Variants in RPL7A observed in about 807,000 individuals in gnomAD.
The protein encoded by RPL7A is large ribosomal subunit protein eL8.
For synonymous variants in RPL7A, 158 were observed against 128.2 expected (o/e 1.23, Z -1.57); for missense variants, 291 against 338.2 (o/e 0.86, Z 1.09).
At chr9:133,350,107 A>G (rs2129991393) in intron 4 of RPL7A, 55 bp downstream of exon 4, 1 of 1,613,898 alleles carries the variant, frequency 6.2e-7, no homozygotes, top group South Asian at 1.1e-5. Context: ...GCAGTGATGT[A>G]AAATTTCTTG....
chr9:133,349,128 T>C (rs894320373), intron 2 of RPL7A, 86 bp downstream of exon 2: 2 of 1,518,986 alleles, frequency 1.3e-6, no homozygotes, highest in East Asian at 2.3e-5. Context: ...TTGTAGGTTT[T>C]AGTGGGTGTA....
intron 2 of RPL7A, chr9:133,349,317 A>C: frequency 1.2e-6 from 1 of 804,360 alleles, no homozygotes. Flanking sequence ...TAGGACTGCA[A>C]TTCTGCTGTA....
In RPL7A at chr9:133,350,774, C is replaced by T. The variant is rs183572165; in HGVS notation, c.626+47C>T. 144 of 1,606,950 alleles carry T rather than the reference C, an allele frequency of 9.0e-5. 1 individual carries two copies. The highest frequency in any genetic ancestry group is 1.2e-4 in the Non-Finnish European group (141 of 1,173,970). On this transcript the variant is annotated intron_variant, in intron 6 of 7. Transcript: ENST00000323345. ...AAACTTCCCCCCAGTTCATTTAATC[C>T]ATGCCTCACAGTTGTTTCCTTTTGC...
rs2129983125 is a variant in RPL7A at position 133,349,060 on chromosome 9, G to T, written c.124+18G>T. ...TGGCATTGGTAAGTAACAAACGGCA[G>T]AATGAAAACGGTCTATGTTTTTCTC... is the stretch of plus-strand genomic sequence containing the variant. On this transcript the variant is annotated intron_variant, in intron 2 of 7. Transcript: ENST00000323345. 4 of 1,612,522 alleles carry T rather than the reference G, an allele frequency of 2.5e-6. No homozygotes were observed. Among genetic ancestry groups the T allele is most frequent in the Non-Finnish European group, 2.5e-6 (3 of 1,179,280 alleles).
At chr9:133,349,127 T>C (rs1836305200) in intron 2 of RPL7A, 85 bp downstream of exon 2, 2 of 1,521,738 alleles carry the variant, frequency 1.3e-6, no homozygotes, top group African/African-American at 2.8e-5. Flanking sequence ...CTTGTAGGTT[T>C]TAGTGGGTGT....
intron 3 of RPL7A, 93 bp downstream of exon 3, chr9:133,349,793 G>A: frequency 2.5e-6 from 4 of 1,581,484 alleles, no homozygotes; most frequent in South Asian, 2.3e-5. Context: ...TTCTTGAACT[G>A]CAGTTGTCAT....
At chr9:133,351,181 A>G (rs2129998548) in intron 7 of RPL7A, 81 bp from the exon 8 acceptor site, 340 of 1,545,440 alleles carry the variant, frequency 2.2e-4, no homozygotes, top group Non-Finnish European at 2.9e-4. Context: ...TGGAACAGCC[A>G]AACAGAATTA....
At chr9:133,348,739 T>A in intron 1 of RPL7A, 183 bp from the exon 2 acceptor site, 1 of 905,322 alleles carries the variant, frequency 1.1e-6, no homozygotes, top group Non-Finnish European at 1.8e-6. Context: ...GCTGCATGCT[T>A]GTGCGGCTGA....
At chr9:133,348,333 T>G in intron 1 of RPL7A, 87 bp downstream of exon 1, 1 of 1,549,034 alleles carries the variant, frequency 6.5e-7, no homozygotes, top group East Asian at 2.2e-5. Flanking sequence ...TCGGAGGGCC[T>G]CCTGCTCCTC....
At chr9:133,350,082 T>G in intron 4 of RPL7A, 30 bp downstream of exon 4, 1 of 1,613,878 alleles carries the variant, frequency 6.2e-7, no homozygotes, top group East Asian at 2.2e-5. Flanking sequence ...GGGTGAACAC[T>G]GGGGGCGGGC....
chr9:133,350,957 A>G (rs1000288609), intron 6 of RPL7A, 45 bp from the exon 7 acceptor site: 2 of 1,601,192 alleles, frequency 1.2e-6, no homozygotes, highest in Non-Finnish European at 1.7e-6. Flanking sequence ...CTAAAAGGGA[A>G]ACTAAGGCAA....
chr9:133,349,822 C>A, intron 3 of RPL7A, 90 bp from the exon 4 acceptor site: 1 of 1,582,684 alleles, frequency 6.3e-7, no homozygotes, highest in Non-Finnish European at 8.6e-7. Flanking sequence ...AGTCATATAG[C>A]AGGACCGCAG....
At chr9:133,348,807 G>A (rs1836291985) in intron 1 of RPL7A, 115 bp from the exon 2 acceptor site, 5 of 1,536,130 alleles carry the variant, frequency 3.3e-6, no homozygotes, top group African/African-American at 1.4e-5. Context: ...CTGCTCGCCA[G>A]CTTAGTTCAG....
intron 1 of RPL7A, 185 bp from the exon 2 acceptor site, chr9:133,348,737 C>A: frequency 1.1e-6 from 1 of 897,858 alleles, no homozygotes; most frequent in Admixed American, 2.0e-5. Flanking sequence ...GGGCTGCATG[C>A]TTGTGCGGCT....
In RPL7A at chr9:133,349,975, G is replaced by T. The variant is rs2129990240; in HGVS notation, c.338G>T (p.Arg113Ile). 6.2e-7 allele frequency: 1 copy of T among 1,612,412 alleles called. No individual in the cohort carries two copies. The highest frequency in any genetic ancestry group is 8.5e-7 in the Non-Finnish European group (1 of 1,180,038). Residue 113 changes from arginine to isoleucine, a missense_variant, in exon 4 of 8, where the codon AGA (arginine) becomes ATA (isoleucine). Arg to Ile is a moderately conservative substitution (Grantham distance 97). Transcript: ENST00000323345. Reference sequence around the variant, plus strand: ...GAGACAAAGCAAGAGAAGAAGCAGAGACTGTTGGCCCGGGCCGAGAAGAAG... The same window carrying T: ...GAGACAAAGCAAGAGAAGAAGCAGATACTGTTGGCCCGGGCCGAGAAGAAG... ...RPETKQEKKQRLLARAEKKAA... is the reference protein window; with the variant it reads ...RPETKQEKKQILLARAEKKAA...
chr9:133,348,545 G>C (rs2129979275), intron 1 of RPL7A: 56,862 of 596,442 alleles, frequency 0.095, 3,115 homozygotes, highest in Middle Eastern at 0.12. Context: ...GCGTCTCTCG[G>C]GCTTGCTGGG....
chr9:133,350,569 A>G, intron 5 of RPL7A, 28 bp from the exon 6 acceptor site: 1 of 1,614,052 alleles, frequency 6.2e-7, no homozygotes, highest in Admixed American at 1.7e-5. Flanking sequence ...TGGTCAAAAT[A>G]CAGTCTTCAG....
intron 1 of RPL7A, 140 bp downstream of exon 1, chr9:133,348,386 G>T (rs369917410): frequency 1.6e-6 from 2 of 1,226,346 alleles, no homozygotes; most frequent in Non-Finnish European, 2.4e-6. Context: ...CGGAGACACC[G>T]AGGTGGATTA....
At chr9:133,351,159 T>G (rs1461187839) in intron 7 of RPL7A, 88 bp downstream of exon 7, 4 of 1,544,058 alleles carry the variant, frequency 2.6e-6, no homozygotes, top group Non-Finnish European at 3.6e-6. Flanking sequence ...AAGTTCTATC[T>G]GACGATCAGC....
Sources: gnomAD v4.1 joint callset for allele counts on GRCh38, gnomAD v4.1.1 for gene constraint, MANE v1.5 for transcripts, NCBI Gene and HGNC (gene_info 2026-07-23, HGNC 2026-07-21) for gene names.